VAT1L: variants seen among roughly 807,000 people sequenced by gnomAD.
VAT1L encodes putative NADPH-dependent quinone oxidoreductase VAT1L.
VAT1L carries 34 observed loss-of-function variants against 44.1 expected under a neutral mutation model. That is an observed-to-expected ratio of 0.77 (90% CI 0.59 to 1.03). VAT1L has a LOEUF of 1.03. Ranked by LOEUF, VAT1L falls within the 50% of genes least tolerant of loss-of-function variation. The probability of loss-of-function intolerance (pLI) is 0.00; values close to 1 mark genes in which losing one functional copy is unlikely to be tolerated. For missense variants in VAT1L, 615 were observed against 538.8 expected (o/e 1.14, Z -1.40); for synonymous variants, 253 against 202.2 (o/e 1.25, Z -2.13).
In VAT1L at chr16:77,884,597, T is replaced by G. The variant is rs371181895; in HGVS notation, c.883-11T>G. 105 of 1,611,462 alleles carry G rather than the reference T, an allele frequency of 6.5e-5. No individual in the cohort carries two copies. Among genetic ancestry groups the G allele is most frequent in the Middle Eastern group, 3.5e-4 (2 of 5,748 alleles). On this transcript the variant is annotated splice_polypyrimidine_tract_variant and intron_variant, in intron 6 of 8. Transcript: ENST00000302536. The surrounding 1 kb of genome is among the most constrained non-coding windows in gnomAD (Gnocchi z 4.5). ...TGAGTTCCTATAACCCAATACCACC[T>G]CTCTTTGCAGTGGTGGCAGGTGGAG...
chr16:77,915,367 T>A (rs2017541701), intron 7 of VAT1L, among the ~76,000 whole-genome samples: 1 of 152,246 alleles, frequency 6.6e-6, no homozygotes, highest in Non-Finnish European at 1.5e-5. Context: ...GAGTCAGTTA[T>A]TAAACATTTA....
chr16:77,825,858 T>TAAAA (rs10657560), intron 3 of VAT1L, among the ~76,000 whole-genome samples: 1 of 139,034 alleles, frequency 7.2e-6, no homozygotes, highest in South Asian at 2.3e-4. Flanking sequence ...CTACTAAAAA[T>TAAAA]AAAAAAAAAA....
rs1282849584 is a variant in VAT1L, at chr16:77,978,585, A to G, written c.*890A>G. 2.6e-5 allele frequency: 4 copies of G among 152,254 alleles called. No homozygotes were observed. The highest frequency in any genetic ancestry group is 5.9e-5 in the Non-Finnish European group (4 of 68,046). 9.4% of individuals were successfully genotyped at this position (152,254 alleles called of 1,614,324 possible). ...CTGGTGGAAAGTGACCACTTTGACC[A>G]TGGATTTCCCAAAGAAGAGTTCCTT... is the stretch of plus-strand genomic sequence containing the variant. On this transcript the variant is annotated 3_prime_UTR_variant, in exon 9 of 9. Transcript: ENST00000302536.
intron 7 of VAT1L, among the ~76,000 whole-genome samples, chr16:77,926,703 T>A (rs2017673283): frequency 6.6e-6 from 1 of 152,200 alleles, no homozygotes; most frequent in African/African-American, 2.4e-5. Context: ...TTCACAGTCC[T>A]CACCAACCTC....
At chr16:77,825,679 T>A (rs1040028016) in intron 3 of VAT1L, among the ~76,000 whole-genome samples, 1 of 151,964 alleles carries the variant, frequency 6.6e-6, no homozygotes, top group Non-Finnish European at 1.5e-5. Flanking sequence ...GTCACCAAAA[T>A]GGCCTGTGAG....
chr16:77,950,409 A>AACACACAC (rs61168492), intron 7 of VAT1L, among the ~76,000 whole-genome samples: 17,116 of 130,976 alleles, frequency 0.13, 1,363 homozygotes, highest in Non-Finnish European at 0.16. Context: ...ATTCCATCTA[A>AACACACAC]ACACACACAC....
intron 7 of VAT1L, among the ~76,000 whole-genome samples, chr16:77,952,993 G>T (rs565322067): frequency 6.6e-6 from 1 of 151,588 alleles, no homozygotes; most frequent in Admixed American, 6.6e-5. Context: ...CAACAACATT[G>T]CAGATATTTA....
chr16:77,880,671 T>C lies in VAT1L; in HGVS notation c.882+1447T>C, dbSNP rs544012695. Among the ~76,000 whole-genome samples, 39 of 138,352 alleles carry C rather than the reference T, an allele frequency of 2.8e-4. No homozygotes were observed. In the South Asian group the frequency reaches 8.5e-3, roughly 30 times the overall value. 90.8% of individuals were successfully genotyped at this position (138,352 alleles called of 152,430 possible). ...CTGTGCAGGTTTTTTGCCCGGGTAT[T>C]GTATGATGCTGAAGTTTGGGGTACA... On this transcript the variant is annotated intron_variant, in intron 6 of 8. Coordinates refer to ENST00000302536, the MANE Select transcript of VAT1L (RefSeq NM_020927.3).
intron 7 of VAT1L, among the ~76,000 whole-genome samples, chr16:77,933,821 G>A (rs2017760562): frequency 6.6e-6 from 1 of 152,166 alleles, no homozygotes; most frequent in Non-Finnish European, 1.5e-5. Flanking sequence ...CAGTAAATGA[G>A]GTCAGAGAAG....
At chr16:77,896,883 T>G (rs374539463) in intron 7 of VAT1L, among the ~76,000 whole-genome samples, 1 of 152,202 alleles carries the variant, frequency 6.6e-6, no homozygotes, top group African/African-American at 2.4e-5. Flanking sequence ...CTGGATTTCC[T>G]TGTGAGCCAG....
rs115018624 is a variant in VAT1L at position 77,915,321 on chromosome 16, T to C, written c.1077+30519T>C. ...ACACATCCTCTATGTCAGTAAAAAA[T>C]TATCATAAATGTATGCATATACGGA... On this transcript the variant is annotated intron_variant, in intron 7 of 8. Coordinates refer to ENST00000302536, the MANE Select transcript of VAT1L (RefSeq NM_020927.3). Among the ~76,000 whole-genome samples, 1,154 of 152,296 alleles carry C rather than the reference T, an allele frequency of 7.6e-3. 19 individuals are homozygous for C. Among genetic ancestry groups the C allele is most frequent in the African/African-American group, 0.026 (1,068 of 41,572 alleles).
intron 7 of VAT1L, among the ~76,000 whole-genome samples, chr16:77,914,355 T>G (rs1243207667): frequency 6.6e-6 from 1 of 152,208 alleles, no homozygotes; most frequent in Non-Finnish European, 1.5e-5. Context: ...TGGAGTACTA[T>G]AAAATAGCAT....
At chr16:77,821,811 T>C (rs2016457744) in intron 2 of VAT1L, among the ~76,000 whole-genome samples, 2 of 152,022 alleles carry the variant, frequency 1.3e-5, no homozygotes, top group South Asian at 4.1e-4. Flanking sequence ...TAAGAAGAGA[T>C]GTCAGTTCTG....
chr16:77,796,995 G>T (rs1597161507), intron 1 of VAT1L, among the ~76,000 whole-genome samples: 1 of 152,184 alleles, frequency 6.6e-6, no homozygotes, highest in East Asian at 1.9e-4. Flanking sequence ...GGAGGAAGAT[G>T]AGGGTTGAAA....
intron 3 of VAT1L, among the ~76,000 whole-genome samples, chr16:77,861,703 G>T (rs2016915690): frequency 6.6e-6 from 1 of 152,184 alleles, no homozygotes; most frequent in African/African-American, 2.4e-5. Flanking sequence ...TCTGCTGTGG[G>T]AGCCCACTTG....
At chr16:77,798,845 G>C (rs959842208) in intron 1 of VAT1L, among the ~76,000 whole-genome samples, 4 of 152,180 alleles carry the variant, frequency 2.6e-5, no homozygotes, top group Non-Finnish European at 4.4e-5. Flanking sequence ...CAAGCTTAGA[G>C]ATCTTCAGAG....
intron 7 of VAT1L, among the ~76,000 whole-genome samples, chr16:77,966,990 A>G (rs1005386600): frequency 2.7e-5 from 4 of 149,700 alleles, no homozygotes; most frequent in Admixed American, 2.7e-4. Context: ...GGAGAAGACA[A>G]GTCTCCCACG....
chr16:77,825,353 G>C lies in VAT1L; in HGVS notation c.471G>C (p.Glu157Asp). 5.6e-6 allele frequency: 9 copies of C among 1,614,188 alleles called. No individual in the cohort carries two copies. Among genetic ancestry groups the C allele is most frequent in the Non-Finnish European group, 7.6e-6 (9 of 1,180,044 alleles). Residue 157 changes from glutamate to aspartate, a missense_variant, in exon 3 of 9, where the codon GAG becomes GAC. Transcript: ENST00000302536. ...TCCCGGATGACATGAGCTTCTCCGA[G>C]GCTGCTGCATTCCCCATGAACTTCG... ...YKIPDDMSFS[E>D]AAAFPMNFVT...
intron 1 of VAT1L, among the ~76,000 whole-genome samples, chr16:77,810,596 G>T (rs544333376): frequency 1.3e-5 from 2 of 152,134 alleles, no homozygotes; most frequent in South Asian, 2.1e-4. Flanking sequence ...CCTGAGCCCA[G>T]GAGGTCAAGA....
Sources: gnomAD v4.1 joint callset for allele counts (sites outside exome capture counted in the v4.1 genomes callset) on GRCh38, gnomAD v4.1.1 for gene constraint, Gnocchi (gnomAD v3.1) non-coding constraint, MANE v1.5 for transcripts, NCBI Gene and HGNC (gene_info 2026-07-23, HGNC 2026-07-21) for gene names.